The following PLXNA4 variants were observed in gnomAD, a reference collection of about 807,000 sequenced individuals.
PLXNA4 encodes plexin A4.
Under a neutral mutation model 191.8 loss-of-function variants are expected in PLXNA4, and 44 were observed. The ratio of observed to expected loss-of-function variants is 0.23; its 90% confidence interval spans 0.18 to 0.29. The LOEUF (loss-of-function observed/expected upper bound fraction) is 0.29, where lower values mean the gene tolerates loss of function less well. PLXNA4 is among the 10% of genes least tolerant of loss of function. The pLI is 1.00. For synonymous variants in PLXNA4, 1,082 were observed against 1,009.5 expected, an observed-to-expected ratio of 1.07 and a Z score of -1.36; for missense variants, 1,800 against 2,488.8, an observed-to-expected ratio of 0.72 and a Z score of 5.89.
At chr7:132,359,062 G>A (rs1204315101) in intron 3 of PLXNA4, among the ~76,000 whole-genome samples, 1 of 152,186 alleles carries the variant, frequency 6.6e-6, no homozygotes, top group South Asian at 2.1e-4. Context: ...CCCTGAGAAA[G>A]CCATTCGACC....
chr7:132,534,093 A>G (rs1457992676), intron 1 of PLXNA4, among the ~76,000 whole-genome samples: 2 of 152,174 alleles, frequency 1.3e-5, no homozygotes, highest in Non-Finnish European at 2.9e-5. Flanking sequence ...AAGAAAAGAA[A>G]AAAGGCCAGT....
At chr7:132,211,466 C>T (rs1011888607) in intron 9 of PLXNA4, among the ~76,000 whole-genome samples, 9 of 152,226 alleles carry the variant, frequency 5.9e-5, no homozygotes, top group South Asian at 2.1e-4. Flanking sequence ...ACTGCCTCTG[C>T]GGGCTAGGCC....
At chr7:132,169,760 G>A (rs1004341225) in intron 21 of PLXNA4, among the ~76,000 whole-genome samples, 1 of 152,010 alleles carries the variant, frequency 6.6e-6, no homozygotes, top group Admixed American at 6.5e-5. Flanking sequence ...GGCTTGAGGG[G>A]TGCTGGCTTG....
chr7:132,355,905 A>T (rs1293144666), intron 3 of PLXNA4, among the ~76,000 whole-genome samples: 3 of 152,128 alleles, frequency 2.0e-5, no homozygotes, highest in Non-Finnish European at 4.4e-5. Context: ...TAAATGATAG[A>T]GGGTAGATTT....
intron 24 of PLXNA4, among the ~76,000 whole-genome samples, chr7:132,161,901 G>T (rs1404041780): frequency 6.6e-6 from 1 of 152,176 alleles, no homozygotes. Context: ...GCACCCAGAT[G>T]TTGCTGATGT....
At chr7:132,306,277 G>A (rs1439135519) in intron 3 of PLXNA4, among the ~76,000 whole-genome samples, 1 of 152,170 alleles carries the variant, frequency 6.6e-6, no homozygotes, top group African/African-American at 2.4e-5. Flanking sequence ...AGACTTCATT[G>A]GGGCAGGCAG....
At chr7:132,447,639 A>T (rs956620668) in intron 3 of PLXNA4, among the ~76,000 whole-genome samples, 3 of 152,282 alleles carry the variant, frequency 2.0e-5, no homozygotes, top group Admixed American at 1.3e-4. Context: ...CATCTAAGTC[A>T]GTCTTCTGTC....
intron 4 of PLXNA4, among the ~76,000 whole-genome samples, chr7:132,272,118 C>A (rs924952221): frequency 2.6e-5 from 4 of 152,178 alleles, no homozygotes; most frequent in Non-Finnish European, 4.4e-5. Flanking sequence ...GTCAGTGCAT[C>A]AACATACAAC....
In PLXNA4 at chr7:132,185,397, C is replaced by G. The variant is rs749111221; in HGVS notation, c.3060G>C (p.Ser1020=). The G allele has an allele frequency of 6.2e-7, 1 of 1,613,964 alleles. No homozygotes were observed. Among genetic ancestry groups the G allele is most frequent in the Admixed American group, 1.7e-5 (1 of 60,004 alleles). ...SSDEVLEMKV[S]VQVDRAKIHQ... ...GGATCTTGGCCCTGTCCACCTGCAC[C>G]GACACCTTCATCTCTAGCACCTCAT... is the stretch of plus-strand genomic sequence containing the variant. Residue 1020 remains serine (S), a synonymous_variant, in exon 16 of 32, where the codon TCG becomes TCC. Transcript: ENST00000321063.
chr7:132,458,630 T>C (rs777946776), intron 3 of PLXNA4, among the ~76,000 whole-genome samples: 1 of 151,442 alleles, frequency 6.6e-6, no homozygotes, highest in Non-Finnish European at 1.5e-5. Flanking sequence ...ATCTGTGCCA[T>C]GAGAGGTCAG....
chr7:132,531,895 A>C (rs911979301), intron 1 of PLXNA4, among the ~76,000 whole-genome samples: 2 of 152,184 alleles, frequency 1.3e-5, no homozygotes, highest in African/African-American at 4.8e-5. Context: ...TAGCCCAGGG[A>C]GGACACTTTG....
chr7:132,608,030 TCAA>T (rs567827573), intron 2 of PLXNA4, among the ~76,000 whole-genome samples: 5 of 147,098 alleles, frequency 3.4e-5, no homozygotes, highest in East Asian at 4.1e-4. Flanking sequence ...ACTATCACCA[TCAA>T]CACCATCACT....
chr7:132,476,395 G>A (rs191334492), intron 3 of PLXNA4, among the ~76,000 whole-genome samples: 1 of 152,238 alleles, frequency 6.6e-6, no homozygotes, highest in Non-Finnish European at 1.5e-5. Context: ...AAGACATGTT[G>A]GCCAAAAACT....
chr7:132,295,611 C>T (rs1171743872), intron 4 of PLXNA4, among the ~76,000 whole-genome samples: 2 of 152,104 alleles, frequency 1.3e-5, no homozygotes, highest in African/African-American at 4.8e-5. Flanking sequence ...TTCCGCATGC[C>T]CAACCTGTCA....
intron 3 of PLXNA4, among the ~76,000 whole-genome samples, chr7:132,414,467 C>T (rs767135466): frequency 5.9e-5 from 9 of 152,028 alleles, no homozygotes; most frequent in African/African-American, 1.5e-4. Context: ...GGAGAGACTG[C>T]GGTAAACCTA....
At chr7:132,582,891 GC>G (rs1802431634) in intron 2 of PLXNA4, among the ~76,000 whole-genome samples, 1 of 152,194 alleles carries the variant, frequency 6.6e-6, no homozygotes, top group South Asian at 2.1e-4. Flanking sequence ...CATGCTTGAT[GC>G]ATGATAGTCT....
intron 20 of PLXNA4, among the ~76,000 whole-genome samples, chr7:132,178,768 C>A (rs1796571679): frequency 7.2e-6 from 1 of 138,212 alleles, no homozygotes; most frequent in African/African-American, 3.1e-5. Context: ...CACACACACA[C>A]ACACACAGCC....
intron 3 of PLXNA4, among the ~76,000 whole-genome samples, chr7:132,485,500 G>A (rs762421984): frequency 2.0e-5 from 3 of 152,182 alleles, no homozygotes; most frequent in Non-Finnish European, 4.4e-5. Flanking sequence ...AAGCAAGAGA[G>A]GGAAAAGATT....
At position 132,146,719 on chromosome 7, in the gene PLXNA4, C is replaced by T. The variant is rs1175952902; in HGVS notation, c.4865-19G>A. The T allele has an allele frequency of 2.5e-6, 4 of 1,612,198 alleles. No individual in the cohort carries two copies. In the South Asian group the frequency reaches 3.3e-5, roughly 13 times the overall value. The stretch of plus-strand genomic sequence containing the variant: ...ATGTTTTCTGCCAAGGCAAGGATCA[C>T]CCCCCGACATATGTGAGGCCACACA... On this transcript the variant is annotated intron_variant, in intron 27 of 31. Coordinates refer to ENST00000321063, the MANE Select transcript of PLXNA4 (RefSeq NM_020911.2).
Sources: gnomAD v4.1 joint callset for allele counts (sites outside exome capture counted in the v4.1 genomes callset) on GRCh38, gnomAD v4.1.1 for gene constraint, MANE v1.5 for transcripts, NCBI Gene and HGNC (gene_info 2026-07-23, HGNC 2026-07-21) for gene names.